The following CRK variants were observed in gnomAD, a reference collection of about 807,000 sequenced individuals.
CRK encodes adapter molecule crk.
A neutral mutation model predicts 29.8 loss-of-function variants in CRK; 4 were observed. That is an observed-to-expected ratio of 0.13 (90% CI 0.07 to 0.31). The LOEUF is 0.31. Among genes scored for constraint, CRK ranks in the 10% least tolerant of loss-of-function variants. CRK has a pLI of 1.00. For missense variants in CRK, 274 were observed against 396.5 expected (o/e 0.69, Z 2.62); for synonymous variants, 153 against 164.9 (o/e 0.93, Z 0.55).
intron 1 of CRK, among the ~76,000 whole-genome samples, chr17:1,448,445 G>A (rs776350308): frequency 1.8e-4 from 28 of 151,686 alleles, no homozygotes; most frequent in Admixed American, 5.9e-4. Context: ...TCAACATGGT[G>A]AAACCCATCT....
intron 2 of CRK, among the ~76,000 whole-genome samples, chr17:1,430,911 CA>C (rs1197953750): frequency 1.3e-4 from 20 of 151,332 alleles, no homozygotes; most frequent in Admixed American, 7.2e-4. Flanking sequence ...ACTAAAAATA[CA>C]AAAAAATTAA....
chr17:1,430,625 A>G lies in CRK; in HGVS notation c.777+5995T>C, dbSNP rs1264510727. ...CGTGATCCGCCCGCCTTGGCCTCCC[A>G]AAGTGCTGGGATTACAGGCGTGAGC... is the stretch of plus-strand genomic sequence containing the variant. On this transcript the variant is annotated intron_variant, in intron 2 of 2. Transcript: ENST00000300574. 4.7e-5 allele frequency among the ~76,000 whole-genome samples: 7 copies of G among 150,242 alleles called. No individual in the cohort carries two copies. In the East Asian group the frequency reaches 1.0e-3, roughly 22 times the overall value.
intron 1 of CRK, among the ~76,000 whole-genome samples, chr17:1,445,145 CAAAA>C (rs35590167): frequency 1.4e-5 from 2 of 140,528 alleles, no homozygotes; most frequent in Non-Finnish European, 3.1e-5. Flanking sequence ...GAGACACCGT[CAAAA>C]AAAAAAAAAA....
At chr17:1,449,186 G>GT (rs1295675392) in intron 1 of CRK, among the ~76,000 whole-genome samples, 1 of 152,072 alleles carries the variant, frequency 6.6e-6, no homozygotes, top group Non-Finnish European at 1.5e-5. Flanking sequence ...AGCGCAACAG[G>GT]TCGGATGAGC....
chr17:1,438,723 T>C (rs2073909669), intron 1 of CRK, among the ~76,000 whole-genome samples: 1 of 152,062 alleles, frequency 6.6e-6, no homozygotes, highest in Admixed American at 6.6e-5. Context: ...CGAGTGTGTA[T>C]GGTGGCCCTA....
chr17:1,451,125 G>A (rs1286123280), intron 1 of CRK, among the ~76,000 whole-genome samples: 1 of 135,070 alleles, frequency 7.4e-6, no homozygotes, highest in South Asian at 2.5e-4. Context: ...CCCACGGGGC[G>A]GAGCTTGCAG....
chr17:1,431,449 C>T (rs928125374), intron 2 of CRK, among the ~76,000 whole-genome samples: 3 of 152,024 alleles, frequency 2.0e-5, no homozygotes, highest in Non-Finnish European at 2.9e-5. Context: ...CATACCGGGG[C>T]GGTGGCTCAC....
chr17:1,444,595 CGG>C (rs35779178), intron 1 of CRK, among the ~76,000 whole-genome samples: 2,966 of 103,902 alleles, frequency 0.029, 177 homozygotes, highest in East Asian at 0.11. Context: ...GAAGCCGAAG[CGG>C]GGGGGGGGAT....
intron 2 of CRK, among the ~76,000 whole-genome samples, chr17:1,425,187 T>A (rs2073766534): frequency 1.3e-5 from 2 of 151,818 alleles, no homozygotes. Context: ...CCTCCCGGGT[T>A]CACGCCATTC....
chr17:1,431,067 A>AAAACAAGCAAAC (rs1555652396), intron 2 of CRK, among the ~76,000 whole-genome samples: 1 of 150,570 alleles, frequency 6.6e-6, no homozygotes, highest in African/African-American at 2.4e-5. Flanking sequence ...ACTCCGTCTC[A>AAAACAAGCAAAC]AAACAAACAA....
intron 2 of CRK, among the ~76,000 whole-genome samples, chr17:1,429,228 G>C (rs2073813611): frequency 6.6e-6 from 1 of 152,046 alleles, no homozygotes; most frequent in Admixed American, 6.6e-5. Flanking sequence ...ACGCTGGCCT[G>C]CACCTGTAGT....
chr17:1,439,111 A>C (rs1203674515), intron 1 of CRK, among the ~76,000 whole-genome samples: 1 of 152,064 alleles, frequency 6.6e-6, no homozygotes, highest in Non-Finnish European at 1.5e-5. Context: ...GGTGTGGGAC[A>C]CCACGACGGA....
At chr17:1,441,855 G>C (rs368131657) in intron 1 of CRK, among the ~76,000 whole-genome samples, 4 of 148,388 alleles carry the variant, frequency 2.7e-5, no homozygotes, top group African/African-American at 1.0e-4. Flanking sequence ...CCCAGGCTGC[G>C]GTTTTGTTTT....
intron 1 of CRK, among the ~76,000 whole-genome samples, chr17:1,451,745 G>A (rs112916612): frequency 0.01 from 1,579 of 151,658 alleles, 32 homozygotes; most frequent in African/African-American, 0.036. Flanking sequence ...ACACAAGGCC[G>A]AGGTGGGCGG....
At chr17:1,425,337 C>T (rs1174019171) in intron 2 of CRK, among the ~76,000 whole-genome samples, 1 of 151,978 alleles carries the variant, frequency 6.6e-6, no homozygotes, top group Non-Finnish European at 1.5e-5. Flanking sequence ...CGTGATCCGC[C>T]CGCCTCGGCC....
At chr17:1,455,677 G>A (rs935043400) in intron 1 of CRK, among the ~76,000 whole-genome samples, 200 bp downstream of exon 1, 1 of 151,918 alleles carries the variant, frequency 6.6e-6, no homozygotes, top group Admixed American at 6.6e-5. Context: ...ACACCCCGGG[G>A]CCTCGGTCCG....
intron 2 of CRK, among the ~76,000 whole-genome samples, chr17:1,434,185 C>T (rs1437349954): frequency 6.6e-6 from 1 of 152,004 alleles, no homozygotes; most frequent in Non-Finnish European, 1.5e-5. Context: ...TAGGGCCCAT[C>T]GACAGTCTTT....
rs1042719379 is a variant in CRK, at chr17:1,423,433, G to T, written c.*80C>A. On this transcript the variant is annotated 3_prime_UTR_variant, in exon 3 of 3. Transcript: ENST00000300574. ...ATAAACTAGACTGCTTTTGACATCT[G>T]TAAGAAAATTGTATAGATGGCAGTT... 9.2e-6 allele frequency: 14 copies of T among 1,521,854 alleles called. No individual in the cohort carries two copies. Among genetic ancestry groups the T allele is most frequent in the Non-Finnish European group, 1.2e-5 (14 of 1,127,078 alleles). The allele number at this position is 1,521,854 out of a possible 1,614,324, so 94.3% of individuals were successfully genotyped here. A position where few individuals can be genotyped will look rare whatever the true frequency, so the allele number is the denominator to read the frequency against.
chr17:1,448,123 C>T (rs2073989032), intron 1 of CRK, among the ~76,000 whole-genome samples: 1 of 149,738 alleles, frequency 6.7e-6, no homozygotes, highest in African/African-American at 2.5e-5. Context: ...GCCTGGGCGA[C>T]AGAAGGCCAC....
Sources: allele counts gnomAD v4.1 joint callset (sites outside exome capture counted in the v4.1 genomes callset), GRCh38; gene constraint gnomAD v4.1.1; transcripts MANE v1.5; gene names NCBI Gene and HGNC (gene_info 2026-07-23, HGNC 2026-07-21).